The following PIK3C3 variants were observed in gnomAD, a reference collection of about 807,000 sequenced individuals.
PIK3C3 encodes PI3-kinase type 3.
A neutral mutation model predicts 126.1 loss-of-function variants in PIK3C3; 95 were observed. That is an observed-to-expected ratio of 0.75 (90% confidence interval 0.64 to 0.89). PIK3C3 has a LOEUF of 0.89. Among genes scored for constraint, PIK3C3 ranks in the 40% least tolerant of loss-of-function variants. The pLI, the probability that PIK3C3 is intolerant of heterozygous loss-of-function variation, is 0.00. For missense variants in PIK3C3, 829 were observed against 1,063.2 expected, an observed-to-expected ratio of 0.78 and a Z score of 3.06; for synonymous variants, 374 against 360.0, an observed-to-expected ratio of 1.04 and a Z score of -0.44.
chr18:42,041,029 A>G (rs1231371406), intron 19 of PIK3C3, among the ~76,000 whole-genome samples: 1 of 152,126 alleles, frequency 6.6e-6, no homozygotes, highest in African/African-American at 2.4e-5. Context: ...TAAACTCACA[A>G]AAATCAGCCG....
At chr18:41,981,364 T>A (rs1981189028) in intron 4 of PIK3C3, among the ~76,000 whole-genome samples, 1 of 152,190 alleles carries the variant, frequency 6.6e-6, no homozygotes, top group African/African-American at 2.4e-5. Context: ...AGAAAAATAG[T>A]AAGACACTTT....
chr18:42,009,621 TTATG>T (rs1289050095), intron 10 of PIK3C3, among the ~76,000 whole-genome samples: 1 of 148,796 alleles, frequency 6.7e-6, no homozygotes, highest in Non-Finnish European at 1.5e-5. Context: ...GTAGACTACA[TTATG>T]TAATGTACAT....
chr18:41,995,940 T>G lies in PIK3C3; in HGVS notation c.837T>G (p.Ser279Arg). 3.1e-6 allele frequency: 5 copies of G among 1,613,238 alleles called. No individual in the cohort carries two copies. The highest frequency in any genetic ancestry group is 4.2e-6 in the Non-Finnish European group (5 of 1,179,372). Residue 279 changes from serine (S) to arginine (R), a missense_variant, in exon 8 of 25, where the codon AGT (serine) becomes AGG (arginine). By Grantham distance (110) the Ser-to-Arg change is moderately radical. This residue lies in a region of PIK3C3 where 313 missense variants were observed against 340.7 expected (regional missense o/e 0.92). Transcript: ENST00000262039. ...KHHKLARSLR[S>R]GPSDHDLKPN... ...ACAAGCTTGCCCGGAGTTTAAGAAG[T>G]GGACCTTCTGACCACGATCTGAAAC...
rs113730733 is a variant in PIK3C3 at position 42,020,724 on chromosome 18, C to T, written c.1484+19C>T. On this transcript the variant is annotated intron_variant, in intron 13 of 24. Transcript: ENST00000262039. ...TATACTGGTATGTAAAAATAATTTTCTGTTTATTTTCTTATTACCCTTAAG... is the reference window on the plus strand; with the variant it reads ...TATACTGGTATGTAAAAATAATTTTTTGTTTATTTTCTTATTACCCTTAAG... The T allele has an allele frequency of 7.0e-7, 1 of 1,433,412 alleles. No individual in the cohort carries two copies. 88.8% of individuals were successfully genotyped at this position (1,433,412 alleles called of 1,614,324 possible).
At chr18:42,025,279 A>G (rs1366994424) in intron 13 of PIK3C3, 1 of 152,258 alleles carries the variant, frequency 6.6e-6, no homozygotes, top group Admixed American at 6.5e-5. Context: ...AAGATGACGG[A>G]GATAATCAAG....
At chr18:42,020,444 G>A (rs1489718450) in intron 12 of PIK3C3, among the ~76,000 whole-genome samples, 194 bp from the exon 13 acceptor site, 1 of 152,100 alleles carries the variant, frequency 6.6e-6, no homozygotes, top group East Asian at 1.9e-4. Context: ...CTGAACTGCG[G>A]TATTCTAACC....
intron 10 of PIK3C3, among the ~76,000 whole-genome samples, chr18:42,010,610 C>T (rs1982778219): frequency 6.6e-6 from 1 of 152,178 alleles, no homozygotes; most frequent in South Asian, 2.1e-4. Flanking sequence ...GGGTGATCCA[C>T]CCACCTCGGC....
chr18:41,988,559 C>G (rs1435400674), intron 5 of PIK3C3, among the ~76,000 whole-genome samples: 1 of 152,088 alleles, frequency 6.6e-6, no homozygotes, highest in East Asian at 1.9e-4. Flanking sequence ...AGAAGGACAT[C>G]AATTTGTGAT....
intron 3 of PIK3C3, among the ~76,000 whole-genome samples, chr18:41,965,040 G>C (rs1299078482): frequency 6.6e-6 from 1 of 152,190 alleles, no homozygotes; most frequent in East Asian, 1.9e-4. Flanking sequence ...TGTTACAGCA[G>C]AATGGACATA....
At chr18:42,000,258 G>T (rs943301478) in intron 9 of PIK3C3, among the ~76,000 whole-genome samples, 2 of 152,020 alleles carry the variant, frequency 1.3e-5, no homozygotes, top group African/African-American at 4.8e-5. Flanking sequence ...CACCATGTTG[G>T]TCAGCCTGGT....
chr18:42,044,759 G>A (rs1428631413), intron 20 of PIK3C3, among the ~76,000 whole-genome samples: 1 of 152,002 alleles, frequency 6.6e-6, no homozygotes, highest in African/African-American at 2.4e-5. Context: ...TAACTAGATT[G>A]TTTATGGGAG....
intron 24 of PIK3C3, among the ~76,000 whole-genome samples, chr18:42,072,292 T>C (rs867499727): frequency 1.3e-5 from 2 of 152,206 alleles, no homozygotes; most frequent in Non-Finnish European, 2.9e-5. Context: ...ATTACAGATA[T>C]TTCAGCATAA....
At chr18:42,002,365 A>T (rs1598884936) in intron 9 of PIK3C3, among the ~76,000 whole-genome samples, 1 of 152,212 alleles carries the variant, frequency 6.6e-6, no homozygotes, top group Admixed American at 6.5e-5. Flanking sequence ...AAAGAAGCCA[A>T]GGTTATTTGT....
At chr18:41,989,681 C>T (rs936801216) in intron 5 of PIK3C3, among the ~76,000 whole-genome samples, 13 of 152,076 alleles carry the variant, frequency 8.5e-5, no homozygotes, top group African/African-American at 2.9e-4. Flanking sequence ...TATGCTACAC[C>T]ATATAACCTC....
In PIK3C3 at chr18:42,033,960, A is replaced by G; in HGVS notation, c.1839+3A>G. 2 of 1,581,864 alleles carry G rather than the reference A, an allele frequency of 1.3e-6. No homozygotes were observed. Among genetic ancestry groups the G allele is most frequent in the Non-Finnish European group, 1.7e-6 (2 of 1,165,682 alleles). On this transcript the variant is annotated splice_donor_region_variant and intron_variant, in intron 16 of 24. Transcript: ENST00000262039. ...CGGAAACAGCTACACTGTTTAAAGTAATTGTGATGGATATTTAATGTGTAT... is the reference window on the plus strand; with the variant it reads ...CGGAAACAGCTACACTGTTTAAAGTGATTGTGATGGATATTTAATGTGTAT...
intron 5 of PIK3C3, among the ~76,000 whole-genome samples, chr18:41,988,922 G>C (rs150299334): frequency 6.6e-6 from 1 of 151,956 alleles, no homozygotes. Context: ...TATAGAAAAC[G>C]TAATGTTAGA....
rs1426803706 is a variant in PIK3C3, at chr18:42,029,339, C to T, written c.1605C>T (p.Val535=). The part of the protein sequence containing the change: ...SQALLKGDKS[V]RVMRSLLAAQ... ...GAACCCTTCAGGGTGATAAGTCTGT[C>T]AGAGTTATGCGTTCTTTGCTGGCTG... The change falls in exon 15 of 25, where the codon GTC becomes GTT. Residue 535 remains valine, a synonymous_variant. Transcript: ENST00000262039. 2 of 1,612,718 alleles carry T rather than the reference C, an allele frequency of 1.2e-6. No homozygotes were observed. Among genetic ancestry groups the T allele is most frequent in the Non-Finnish European group, 1.7e-6 (2 of 1,178,912 alleles).
intron 21 of PIK3C3, chr18:42,052,717 G>A (rs1984859298): frequency 6.6e-6 from 1 of 152,098 alleles, no homozygotes. Flanking sequence ...ACTTTGTATA[G>A]TTCAAAGTGA....
At chr18:42,021,994 T>C (rs998399702) in intron 13 of PIK3C3, among the ~76,000 whole-genome samples, 2 of 152,216 alleles carry the variant, frequency 1.3e-5, no homozygotes, top group Admixed American at 1.3e-4. Flanking sequence ...CAAAATACGA[T>C]TTTGTTTTAA....
Sources: allele counts gnomAD v4.1 joint callset (sites outside exome capture counted in the v4.1 genomes callset), GRCh38; gene constraint gnomAD v4.1.1; regional missense constraint gnomAD v4.1.1; transcripts MANE v1.5; gene names NCBI Gene and HGNC (gene_info 2026-07-23, HGNC 2026-07-21).